TFAP2A: variants seen among roughly 807,000 people sequenced by gnomAD.
TFAP2A encodes transcription factor AP-2 alpha, also known as transcription factor AP-2-alpha.
TFAP2A carries 7 observed loss-of-function variants against 41.5 expected under a neutral mutation model. That is an observed-to-expected ratio of 0.17 (90% CI 0.10 to 0.32). TFAP2A has a LOEUF of 0.32. TFAP2A is among the 10% of genes least tolerant of loss of function. The pLI is 1.00. For missense variants in TFAP2A, 416 were observed against 563.3 expected, an observed-to-expected ratio of 0.74 and a Z score of 2.65; for synonymous variants, 247 against 242.8, an observed-to-expected ratio of 1.02 and a Z score of -0.16.
upstream of TFAP2A, chr6:10,415,575 G>T (rs951775259): frequency 5.2e-6 from 1 of 191,980 alleles, no homozygotes; most frequent in Non-Finnish European, 1.1e-5. Flanking sequence ...GCCCGGCACT[G>T]CTCAAGGTCC....
intron 4 of TFAP2A, 106 bp downstream of exon 4, chr6:10,404,402 A>G (rs1380121380): frequency 9.2e-6 from 5 of 540,720 alleles, no homozygotes; most frequent in African/African-American, 8.8e-5. Context: ...CCGCGTAGGG[A>G]GGGCCGCGGC....
rs1266707717 is a variant in TFAP2A at position 10,396,821 on chromosome 6, T to C, written c.*1596A>G. ...GGTTTTATTGTGTCATTTGTCTGAA[T>C]ACAGACACAGTGGAATATCTAAATG... On this transcript the variant is annotated 3_prime_UTR_variant, in exon 7 of 7. Transcript: ENST00000379613. The C allele has an allele frequency of 1.3e-5, 2 of 152,654 alleles. No individual in the cohort carries two copies. The highest frequency in any genetic ancestry group is 2.4e-5 in the African/African-American group (1 of 41,458). The allele number at this position is 152,654 out of a possible 1,614,324, so 9.5% of individuals were successfully genotyped here.
chr6:10,418,425 C>G (rs1246821986), upstream of TFAP2A: 1 of 152,228 alleles, frequency 6.6e-6, no homozygotes, highest in Non-Finnish European at 1.5e-5. Context: ...GTCCCCTGGG[C>G]TTTTGGGCAC....
upstream of TFAP2A, among the ~76,000 whole-genome samples, chr6:10,419,188 G>A (rs1438767807): frequency 6.6e-6 from 1 of 152,134 alleles, no homozygotes. Context: ...CTTCCCCGGC[G>A]CCGGGCCCCG....
In TFAP2A at chr6:10,398,093, A is replaced by AG. The variant is rs1761849862; in HGVS notation, c.*323dup. ...ATTTGTTGTTTTGTTTAAAAAAAAA[A>AG]GGGTTCACAAACTTGGCAGAACTTT... is the stretch of plus-strand genomic sequence containing the variant. On this transcript the variant is annotated 3_prime_UTR_variant, in exon 7 of 7. Coordinates refer to ENST00000379613, the MANE Select transcript of TFAP2A (RefSeq NM_001372066.1). The surrounding 1 kb of genome is among the most constrained non-coding windows in gnomAD (Gnocchi z 5.3). The AG allele has an allele frequency of 8.4e-7, 1 of 1,191,698 alleles. No homozygotes were observed. The highest frequency in any genetic ancestry group is 1.0e-6 in the Non-Finnish European group (1 of 959,938). The allele number at this position is 1,191,698 out of a possible 1,614,324, so 73.8% of individuals were successfully genotyped here. A position where few individuals can be genotyped will look rare whatever the true frequency, so the allele number is the denominator to read the frequency against.
rs1216098518 is a variant in TFAP2A, at chr6:10,398,504, C to T, written c.1233G>A (p.Met411Ile). ...QNYLTEALKAMDKMYLSNNPN... is the reference protein window; with the variant it reads ...QNYLTEALKAIDKMYLSNNPN... ...GGTTGTTGCTGAGGTACATTTTGTC[C>T]ATGGCCTTGAGGGCCTCGGTGAGAT... The change falls in exon 7 of 7, where the codon ATG becomes ATA. Residue 411 changes from methionine to isoleucine, a missense_variant. Met to Ile is a conservative substitution (Grantham distance 10). This residue lies in a region of TFAP2A where 116 missense variants were observed against 153.8 expected (regional missense o/e 0.75). Coordinates refer to ENST00000379613, the MANE Select transcript of TFAP2A (RefSeq NM_001372066.1). The surrounding 1 kb of genome is among the most constrained non-coding windows in gnomAD (Gnocchi z 5.3). 1.9e-6 allele frequency: 3 copies of T among 1,614,074 alleles called. No individual in the cohort carries two copies. Among genetic ancestry groups the T allele is most frequent in the East Asian group, 4.5e-5 (2 of 44,898 alleles).
At position 10,402,535 on chromosome 6, in the gene TFAP2A, T is replaced by C. The variant is rs1373721108; in HGVS notation, c.846A>G (p.Arg282=). The C allele has an allele frequency of 7.4e-6, 12 of 1,614,056 alleles. No individual in the cohort carries two copies. ...DKIGLNLPAG[R]RKAANVTLLT... ...GCAGGGTAACGTTGGCAGCTTTACG[T>C]CTCCCTGCAGGCAGATTTAATCCTA... The change falls in exon 5 of 7, where the codon AGA becomes AGG. Residue 282 remains arginine, a synonymous_variant. Coordinates refer to ENST00000379613, the MANE Select transcript of TFAP2A (RefSeq NM_001372066.1).
chr6:10,415,154 G>A (rs1002149634), upstream of TFAP2A: 3 of 1,528,302 alleles, frequency 2.0e-6, no homozygotes, highest in African/African-American at 4.1e-5. Context: ...AGGGCAAGGA[G>A]GAGGAGGAGG....
At chr6:10,412,297 G>A in intron 1 of TFAP2A, 1 of 986,482 alleles carries the variant, frequency 1.0e-6, no homozygotes, top group Non-Finnish European at 1.2e-6. Context: ...TGCAGGGCAT[G>A]CAAAAGTGAA....
rs3834293 is a variant in TFAP2A, at chr6:10,414,464, A to AGAATGAAT, written c.51+469_51+476dup. ...TTAGAAGTGGGGGTGGGGGGAAGAA[A>AGAATGAAT]GAATGAATGAATGAATGAATGAATG... On this transcript the variant is annotated intron_variant, in intron 1 of 6. Coordinates refer to ENST00000379613, the MANE Select transcript of TFAP2A (RefSeq NM_001372066.1). 2.5e-3 allele frequency: 656 copies of AGAATGAAT among 266,970 alleles called. 3 individuals carry two copies. Among genetic ancestry groups the AGAATGAAT allele is most frequent in the African/African-American group, 8.9e-3 (398 of 44,486 alleles). The allele number at this position is 266,970 out of a possible 1,614,324, so 16.5% of individuals were successfully genotyped here.
At chr6:10,404,169 T>C (rs970282890) in intron 4 of TFAP2A, among the ~76,000 whole-genome samples, 3 of 152,212 alleles carry the variant, frequency 2.0e-5, no homozygotes, top group African/African-American at 7.2e-5. Context: ...GCCCCGCGGC[T>C]GCAGTGGCCG....
chr6:10,416,679 G>A (rs889039642), upstream of TFAP2A, among the ~76,000 whole-genome samples: 8 of 152,166 alleles, frequency 5.3e-5, no homozygotes, highest in African/African-American at 1.7e-4. Flanking sequence ...TCCTAAAAGG[G>A]GATGGGAACT....
upstream of TFAP2A, among the ~76,000 whole-genome samples, chr6:10,418,917 C>A (rs960904314): frequency 1.3e-5 from 2 of 152,170 alleles, no homozygotes; most frequent in African/African-American, 4.8e-5. Flanking sequence ...CATCCTAGAT[C>A]TCCCGAAATC....
At chr6:10,419,316 C>G (rs1171536228), upstream of TFAP2A, 2 of 1,426,254 alleles carry the variant, frequency 1.4e-6, no homozygotes, top group Non-Finnish European at 2.0e-6. Flanking sequence ...TACGACTCCC[C>G]TGCCCTGGGC....
chr6:10,404,421 T>G (rs895807466), intron 4 of TFAP2A, 87 bp downstream of exon 4: 6 of 970,168 alleles, frequency 6.2e-6, no homozygotes, highest in African/African-American at 1.8e-5. Context: ...GCGCGAGGCC[T>G]GTTTGCGTCG....
intron 1 of TFAP2A, among the ~76,000 whole-genome samples, chr6:10,413,103 A>T (rs1758072153): frequency 6.6e-6 from 1 of 151,832 alleles, no homozygotes; most frequent in South Asian, 2.1e-4. Context: ...TTGCCAGTCT[A>T]CCCGCCAGGT....
At chr6:10,401,974 T>G (rs1312071105) in intron 5 of TFAP2A, 1 of 272,020 alleles carries the variant, frequency 3.7e-6, no homozygotes, top group African/African-American at 2.3e-5. Context: ...AATCAAAAAT[T>G]GCTCACTTTT....
chr6:10,405,364 A>C (rs2114017382), intron 3 of TFAP2A: 1 of 152,392 alleles, frequency 6.6e-6, no homozygotes, highest in East Asian at 1.9e-4. Flanking sequence ...TCCTATGTTC[A>C]ATTTTGAAAA....
At chr6:10,411,819 C>G in intron 1 of TFAP2A, 2 of 1,433,338 alleles carry the variant, frequency 1.4e-6, no homozygotes, top group Non-Finnish European at 1.8e-6. Context: ...GCTGGTCGAA[C>G]CCACGGTCTC....
Sources: allele counts gnomAD v4.1 joint callset (sites outside exome capture counted in the v4.1 genomes callset), GRCh38; gene constraint gnomAD v4.1.1; regional missense constraint gnomAD v4.1.1; non-coding constraint Gnocchi (gnomAD v3.1); transcripts MANE v1.5; gene names NCBI Gene and HGNC (gene_info 2026-07-23, HGNC 2026-07-21).